The following HERPUD2 variants were observed in gnomAD, a reference collection of about 807,000 sequenced individuals.
The protein encoded by HERPUD2 is HERPUD family member 2, also known as homocysteine-responsive endoplasmic reticulum-resident ubiquitin-like domain member 2 protein.
HERPUD2 carries 13 observed loss-of-function variants against 49.9 expected under a neutral mutation model. That is an observed-to-expected ratio of 0.26 (90% CI 0.17 to 0.41). The LOEUF (loss-of-function observed/expected upper bound fraction) is 0.41, where lower values mean the gene tolerates loss of function less well. HERPUD2 is among the 10% of genes least tolerant of loss of function. The probability of loss-of-function intolerance (pLI) is 1.00; values close to 1 mark genes in which losing one functional copy is unlikely to be tolerated. For missense variants in HERPUD2, 449 were observed against 492.2 expected, an observed-to-expected ratio of 0.91 and a Z score of 0.83; for synonymous variants, 172 against 171.4, an observed-to-expected ratio of 1.00 and a Z score of -0.03.
chr7:35,641,229 G>C (rs1784963094), intron 5 of HERPUD2, among the ~76,000 whole-genome samples: 2 of 152,188 alleles, frequency 1.3e-5, no homozygotes, highest in Non-Finnish European at 2.9e-5. Context: ...TTATTGGCAA[G>C]AGGTACAGGT....
intron 7 of HERPUD2, among the ~76,000 whole-genome samples, chr7:35,634,816 A>C (rs139398242): frequency 6.8e-4 from 103 of 152,360 alleles, no homozygotes; most frequent in Middle Eastern, 3.4e-3. Context: ...TACTATTGGT[A>C]ATTCTAATGA....
intron 2 of HERPUD2, among the ~76,000 whole-genome samples, chr7:35,674,383 A>ATG (rs1249836248): frequency 4.6e-5 from 2 of 43,672 alleles, no homozygotes; most frequent in Non-Finnish European, 4.3e-5. Flanking sequence ...TACAACCTAT[A>ATG]TATATATATA....
chr7:35,669,099 C>A (rs1562680497), intron 4 of HERPUD2, among the ~76,000 whole-genome samples: 1 of 152,062 alleles, frequency 6.6e-6, no homozygotes, highest in South Asian at 2.1e-4. Flanking sequence ...TCTTTCCCAA[C>A]AAAAATTGAA....
intron 2 of HERPUD2, among the ~76,000 whole-genome samples, chr7:35,686,591 C>T (rs1265884011): frequency 3.7e-5 from 5 of 136,492 alleles, no homozygotes; most frequent in Non-Finnish European, 7.9e-5. Flanking sequence ...TAGTGGCGGG[C>T]GCCTGTAGTC....
intron 5 of HERPUD2, among the ~76,000 whole-genome samples, chr7:35,652,899 C>T (rs1785197186): frequency 6.6e-6 from 1 of 151,758 alleles, no homozygotes; most frequent in Non-Finnish European, 1.5e-5. Context: ...GAAGGAAACA[C>T]ATCAAAATAT....
chr7:35,657,753 AC>A (rs1255112618), intron 5 of HERPUD2, among the ~76,000 whole-genome samples: 1 of 150,162 alleles, frequency 6.7e-6, no homozygotes, highest in African/African-American at 2.4e-5. Context: ...ACTAAAAAAT[AC>A]AAAAAAAAAA....
chr7:35,635,369 C>T lies in HERPUD2; in HGVS notation c.707G>A (p.Gly236Glu). ...GTTTGGAGCTGGTGGGGGTTCTTCTCCAGGAACATGTGCCAAATTTAGAGG... is the reference window on the plus strand; with the variant it reads ...GTTTGGAGCTGGTGGGGGTTCTTCTTCAGGAACATGTGCCAAATTTAGAGG... ...SQPLNLAHVP[G>E]EEPPPAPNLV... is the part of the protein sequence containing the mutation. Residue 236 changes from glycine to glutamate, a missense_variant, in exon 7 of 9, where the codon GGA becomes GAA. Coordinates refer to ENST00000311350, the MANE Select transcript of HERPUD2 (RefSeq NM_022373.5). 1 of 1,613,970 alleles carries T rather than the reference C, an allele frequency of 6.2e-7. No homozygotes were observed. The highest frequency in any genetic ancestry group is 8.5e-7 in the Non-Finnish European group (1 of 1,179,982).
intron 2 of HERPUD2, among the ~76,000 whole-genome samples, chr7:35,680,837 A>C (rs1486943874): frequency 1.3e-5 from 2 of 152,222 alleles, no homozygotes; most frequent in Non-Finnish European, 2.9e-5. Context: ...CTCTTAAATA[A>C]AAGTGCCAAG....
rs929547687 is a variant in HERPUD2, at chr7:35,695,124, G to T, written c.-621C>A. 5 of 152,450 alleles carry T rather than the reference G, an allele frequency of 3.3e-5. No homozygotes were observed. Among genetic ancestry groups the T allele is most frequent in the African/African-American group, 4.8e-5 (2 of 41,468 alleles). 9.4% of individuals were successfully genotyped at this position (152,450 alleles called of 1,614,324 possible). Reference sequence around the variant, plus strand: ...GCCGTTGCGCCACCGCTGGCGCGCCGGTTTTGTTGTTATTGCGAGGATTGT... The same window carrying T: ...GCCGTTGCGCCACCGCTGGCGCGCCTGTTTTGTTGTTATTGCGAGGATTGT... On this transcript the variant is annotated 5_prime_UTR_variant, in exon 1 of 9. Coordinates refer to ENST00000311350, the MANE Select transcript of HERPUD2 (RefSeq NM_022373.5).
chr7:35,676,786 T>C (rs902199862), intron 2 of HERPUD2, among the ~76,000 whole-genome samples: 1 of 152,232 alleles, frequency 6.6e-6, no homozygotes, highest in African/African-American at 2.4e-5. Context: ...ATGACACTAA[T>C]AAATACCTGC....
chr7:35,674,412 G>T (rs3857745), intron 2 of HERPUD2, among the ~76,000 whole-genome samples: 5,135 of 16,182 alleles, frequency 0.32, 130 homozygotes, highest in Non-Finnish European at 0.35. Flanking sequence ...TATAGAGAGA[G>T]AGAGAGAGAG....
intron 5 of HERPUD2, among the ~76,000 whole-genome samples, chr7:35,643,448 A>G (rs1174796735): frequency 1.3e-5 from 2 of 152,244 alleles, no homozygotes; most frequent in African/African-American, 4.8e-5. Context: ...ATGAATTAGT[A>G]TGCGGCTATA....
chr7:35,652,900 A>G (rs977023163), intron 5 of HERPUD2, among the ~76,000 whole-genome samples: 5 of 152,164 alleles, frequency 3.3e-5, no homozygotes, highest in African/African-American at 4.8e-5. Flanking sequence ...AAGGAAACAC[A>G]TCAAAATATA....
At chr7:35,652,319 C>T (rs1298577615) in intron 5 of HERPUD2, among the ~76,000 whole-genome samples, 3 of 150,456 alleles carry the variant, frequency 2.0e-5, no homozygotes, top group African/African-American at 4.9e-5. Flanking sequence ...TTCTTTTTAC[C>T]AACCTGCAAG....
chr7:35,639,033 CTTT>C (rs981148190), intron 5 of HERPUD2, among the ~76,000 whole-genome samples: 2 of 144,460 alleles, frequency 1.4e-5, no homozygotes, highest in Admixed American at 6.9e-5. Flanking sequence ...AATTTTATTT[CTTT>C]TTTTTTTTTT....
At chr7:35,671,511 G>A (rs754119480) in intron 3 of HERPUD2, among the ~76,000 whole-genome samples, 8 of 152,002 alleles carry the variant, frequency 5.3e-5, no homozygotes, top group Non-Finnish European at 1.0e-4. Flanking sequence ...ACAAGTATAA[G>A]ATGTTGATCC....
chr7:35,690,218 C>A (rs539856623), intron 2 of HERPUD2, among the ~76,000 whole-genome samples: 13 of 152,280 alleles, frequency 8.5e-5, no homozygotes, highest in Non-Finnish European at 1.8e-4. Context: ...TTACAACTCA[C>A]AATTATCTAT....
rs1370629718 is a variant in HERPUD2 at position 35,655,959 on chromosome 7, G to C, written c.494+11475C>G. 2.0e-5 allele frequency among the ~76,000 whole-genome samples: 3 copies of C among 152,126 alleles called. No homozygotes were observed. The East Asian group carries it at 5.8e-4, about 29-fold the overall frequency. On this transcript the variant is annotated intron_variant, in intron 5 of 8. Transcript: ENST00000311350. ...GCAGATCACCTGAGGTCAGGAGTTTGAGACCAGCCTGGCCATAATGGTGAA... is the reference window on the plus strand; with the variant it reads ...GCAGATCACCTGAGGTCAGGAGTTTCAGACCAGCCTGGCCATAATGGTGAA...
chr7:35,680,381 G>C (rs146929193), intron 2 of HERPUD2, among the ~76,000 whole-genome samples: 2 of 152,228 alleles, frequency 1.3e-5, no homozygotes, highest in South Asian at 4.1e-4. Flanking sequence ...CTGCACTCTA[G>C]CCTGGGTGAC....
Sources: gnomAD v4.1 joint callset for allele counts (sites outside exome capture counted in the v4.1 genomes callset) on GRCh38, gnomAD v4.1.1 for gene constraint, MANE v1.5 for transcripts, NCBI Gene and HGNC (gene_info 2026-07-23, HGNC 2026-07-21) for gene names.